The following CTNNBL1 variants were observed in gnomAD, a reference collection of about 807,000 sequenced individuals.
The protein encoded by CTNNBL1 is catenin beta like 1.
Under a neutral mutation model 72.7 loss-of-function variants are expected in CTNNBL1, and 31 were observed. The observed-to-expected ratio is 0.43, with a 90% CI of 0.32 to 0.58. The LOEUF is 0.58. Among genes scored for constraint, CTNNBL1 ranks in the 20% least tolerant of loss-of-function variants. The pLI is 0.08. For synonymous variants in CTNNBL1, 240 were observed against 267.3 expected (o/e 0.90, Z 1.00); for missense variants, 534 against 725.1 (o/e 0.74, Z 3.03).
chr20:37,757,883 G>A (rs146218093), intron 5 of CTNNBL1, among the ~76,000 whole-genome samples: 16 of 152,218 alleles, frequency 1.1e-4, no homozygotes, highest in African/African-American at 3.9e-4. Context: ...TCTCTGCTGT[G>A]GGCAGGGCCA....
At position 37,871,962 on chromosome 20, in the gene CTNNBL1, G is replaced by T; in HGVS notation, c.1641G>T (p.Glu547Asp). 1 of 1,614,108 alleles carries T rather than the reference G, an allele frequency of 6.2e-7. No homozygotes were observed. Among genetic ancestry groups the T allele is most frequent in the Non-Finnish European group, 8.5e-7 (1 of 1,180,008 alleles). ...AENIGDGRSP[E>D]FRENEQKRIL... ...ACATCGGGGACGGCCGGAGCCCGGAGTTCCGGGAGAACGAGCAAAAGCGCA... is the reference window on the plus strand; with the variant it reads ...ACATCGGGGACGGCCGGAGCCCGGATTTCCGGGAGAACGAGCAAAAGCGCA... Residue 547 changes from glutamate to aspartate, a missense_variant, in exon 16 of 16, where the codon GAG (glutamate) becomes GAT (aspartate). Physicochemically the swap from Glu to Asp is conservative, Grantham distance 45 (BLOSUM62 2). Coordinates refer to ENST00000361383, the MANE Select transcript of CTNNBL1 (RefSeq NM_030877.5).
chr20:37,728,477 T>G (rs902726023), intron 1 of CTNNBL1, among the ~76,000 whole-genome samples: 2 of 152,228 alleles, frequency 1.3e-5, no homozygotes, highest in African/African-American at 2.4e-5. Flanking sequence ...TTCACACTTA[T>G]GTGCCCAGTA....
chr20:37,814,362 C>T (rs1009597961), intron 11 of CTNNBL1, among the ~76,000 whole-genome samples: 1 of 152,312 alleles, frequency 6.6e-6, no homozygotes, highest in East Asian at 1.9e-4. Flanking sequence ...TTCTCCCTGG[C>T]TCACTTTGTG....
intron 11 of CTNNBL1, among the ~76,000 whole-genome samples, chr20:37,838,484 C>T (rs1233717517): frequency 6.6e-6 from 1 of 152,148 alleles, no homozygotes; most frequent in Non-Finnish European, 1.5e-5. Flanking sequence ...GGCATTTTCA[C>T]TGGTTTTGGC....
At chr20:37,796,149 C>G (rs1773498475) in intron 10 of CTNNBL1, among the ~76,000 whole-genome samples, 1 of 152,124 alleles carries the variant, frequency 6.6e-6, no homozygotes, top group African/African-American at 2.4e-5. Context: ...ACAAACTATT[C>G]CTGGCCCTCC....
intron 5 of CTNNBL1, among the ~76,000 whole-genome samples, chr20:37,761,317 C>T (rs2073415543): frequency 6.6e-6 from 1 of 152,160 alleles, no homozygotes; most frequent in East Asian, 1.9e-4. Context: ...CAGGGGACTA[C>T]CCTCCATACT....
At chr20:37,849,342 C>T (rs1187246344) in intron 13 of CTNNBL1, among the ~76,000 whole-genome samples, 1 of 152,202 alleles carries the variant, frequency 6.6e-6, no homozygotes, top group Non-Finnish European at 1.5e-5. Context: ...TGCAGTCTAA[C>T]CTCCTGCGCC....
Position 37,864,513 on chromosome 20 carries a change from G to A in CTNNBL1, c.1603+4169G>A, listed in dbSNP as rs139549668. 4.4e-3 allele frequency among the ~76,000 whole-genome samples: 676 copies of A among 152,126 alleles called. 4 individuals carry two copies. Among genetic ancestry groups the A allele is most frequent in the Non-Finnish European group, 7.9e-3 (535 of 68,000 alleles). ...CACAATTTTCTCCCTCCTCTATTGGGGGTGCCAAGAGCGCAGGGAATAATT... is the reference window on the plus strand; with the variant it reads ...CACAATTTTCTCCCTCCTCTATTGGAGGTGCCAAGAGCGCAGGGAATAATT... On this transcript the variant is annotated intron_variant, in intron 15 of 15. Coordinates refer to ENST00000361383, the MANE Select transcript of CTNNBL1 (RefSeq NM_030877.5).
Position 37,860,292 on chromosome 20 carries a change from G to A in CTNNBL1, c.1551G>A (p.Gln517=). The A allele has an allele frequency of 1.2e-6, 2 of 1,614,108 alleles. No homozygotes were observed. The highest frequency in any genetic ancestry group is 2.2e-5 in the East Asian group (1 of 44,886). ...ATTAGATTCGCCAGAGGGTTCACCA[G>A]ATCCTAAACATGCGAGGAAGCTCCA... is the stretch of plus-strand genomic sequence containing the variant. The part of the protein sequence containing the change: ...NVPQIRQRVH[Q]ILNMRGSSIK... Residue 517 remains glutamine (Q), a synonymous_variant, in exon 15 of 16, where the codon CAG becomes CAA. Coordinates refer to ENST00000361383, the MANE Select transcript of CTNNBL1 (RefSeq NM_030877.5).
chr20:37,817,151 G>T (rs1407189470), intron 11 of CTNNBL1, among the ~76,000 whole-genome samples: 1 of 152,098 alleles, frequency 6.6e-6, no homozygotes, highest in Non-Finnish European at 1.5e-5. Context: ...TGTCTGCTAG[G>T]GCCCCCCAAA....
intron 4 of CTNNBL1, among the ~76,000 whole-genome samples, chr20:37,757,240 G>A (rs1162194536): frequency 6.6e-6 from 1 of 152,200 alleles, no homozygotes; most frequent in Non-Finnish European, 1.5e-5. Flanking sequence ...ATGAGATGAG[G>A]TTGAGGGTGT....
chr20:37,810,752 G>A (rs1243095413), intron 11 of CTNNBL1, among the ~76,000 whole-genome samples: 1 of 152,216 alleles, frequency 6.6e-6, no homozygotes, highest in East Asian at 1.9e-4. Flanking sequence ...AGAGGGGACA[G>A]TGGGCACTAG....
chr20:37,729,690 A>C (rs1438164619), intron 1 of CTNNBL1, among the ~76,000 whole-genome samples: 2 of 152,176 alleles, frequency 1.3e-5, no homozygotes, highest in Non-Finnish European at 2.9e-5. Context: ...TGAGCTTGAA[A>C]GAATTAGTGT....
intron 1 of CTNNBL1, among the ~76,000 whole-genome samples, chr20:37,714,090 A>G (rs942521993): frequency 6.6e-6 from 1 of 151,724 alleles, no homozygotes; most frequent in Non-Finnish European, 1.5e-5. Context: ...AACAAGAAGG[A>G]AGACCTTCGA....
At chr20:37,717,374 A>C (rs2072995470) in intron 1 of CTNNBL1, among the ~76,000 whole-genome samples, 1 of 152,242 alleles carries the variant, frequency 6.6e-6, no homozygotes, top group Admixed American at 6.5e-5. Context: ...TGGTTGCAGA[A>C]TGCATACTCC....
chr20:37,825,912 G>A (rs1314204803), intron 11 of CTNNBL1, among the ~76,000 whole-genome samples: 2 of 152,232 alleles, frequency 1.3e-5, no homozygotes, highest in East Asian at 1.9e-4. Flanking sequence ...GACAAAGCCT[G>A]TTGTAGGAGC....
Position 37,728,208 on chromosome 20 carries a change from A to C in CTNNBL1, c.31-4671A>C, listed in dbSNP as rs1297385440. Among the ~76,000 whole-genome samples, 6 of 152,258 alleles carry C rather than the reference A, an allele frequency of 3.9e-5. No homozygotes were observed. The East Asian group carries it at 1.2e-3, about 29-fold the overall frequency. ...CCAGTCTGTATTGAGAAACACCATA[A>C]GTGTAAAATACATACCAGATTCCAA... On this transcript the variant is annotated intron_variant, in intron 1 of 15. Coordinates refer to ENST00000361383, the MANE Select transcript of CTNNBL1 (RefSeq NM_030877.5).
intron 11 of CTNNBL1, among the ~76,000 whole-genome samples, chr20:37,809,560 C>T (rs528352623): frequency 8.0e-4 from 122 of 152,322 alleles, no homozygotes; most frequent in Non-Finnish European, 1.5e-3. Context: ...GACCCTTCCT[C>T]AGCTCCTGAT....
At chr20:37,804,509 CTG>C in intron 11 of CTNNBL1, among the ~76,000 whole-genome samples, 1 of 152,296 alleles carries the variant, frequency 6.6e-6, no homozygotes, top group Non-Finnish European at 1.5e-5. Context: ...CTTCCCTTCA[CTG>C]CATTTTCCTT....
Sources: allele counts gnomAD v4.1 joint callset (sites outside exome capture counted in the v4.1 genomes callset), GRCh38; gene constraint gnomAD v4.1.1; transcripts MANE v1.5; gene names NCBI Gene and HGNC (gene_info 2026-07-23, HGNC 2026-07-21).